NRF1: variants seen among roughly 807,000 people sequenced by gnomAD.
The protein encoded by NRF1 is alpha palindromic-binding protein.
In NRF1, 5 loss-of-function variants were observed where a neutral mutation model predicts 58.5. That is an observed-to-expected ratio of 0.09 (90% CI 0.04 to 0.18). The LOEUF is 0.18. NRF1 is among the 10% of genes least tolerant of loss of function. The pLI is 1.00. For missense variants in NRF1, 288 were observed against 657.7 expected (o/e 0.44, Z 6.15); for synonymous variants, 224 against 246.7 (o/e 0.91, Z 0.86).
intron 1 of NRF1, among the ~76,000 whole-genome samples, chr7:129,655,840 GGAAA>G (rs1801642235): frequency 6.6e-6 from 1 of 152,064 alleles, no homozygotes; most frequent in Non-Finnish European, 1.5e-5. Flanking sequence ...AATCTTAATG[GGAAA>G]GCTTCTAGTT....
intron 10 of NRF1, among the ~76,000 whole-genome samples, chr7:129,743,175 TAA>T (rs5887444): frequency 0.14 from 20,620 of 146,760 alleles, 1,641 homozygotes; most frequent in Admixed American, 0.24. Flanking sequence ...ACCCCTTGTT[TAA>T]AAAAAAAAAA....
chr7:129,686,101 CAAAA>C (rs540355035), intron 4 of NRF1, among the ~76,000 whole-genome samples: 1 of 57,772 alleles, frequency 1.7e-5, no homozygotes, highest in Non-Finnish European at 3.8e-5. Context: ...GACTGTATCT[CAAAA>C]AAAAAAAAAA....
At chr7:129,739,742 C>T (rs748286712) in intron 10 of NRF1, among the ~76,000 whole-genome samples, 1 of 152,100 alleles carries the variant, frequency 6.6e-6, no homozygotes, top group African/African-American at 2.4e-5. Flanking sequence ...TGCATATTTC[C>T]ACTTGGATTC....
At chr7:129,649,503 TA>T (rs1192081314) in intron 1 of NRF1, among the ~76,000 whole-genome samples, 1 of 152,254 alleles carries the variant, frequency 6.6e-6, no homozygotes, top group Non-Finnish European at 1.5e-5. Context: ...ACTCTACACT[TA>T]ATCTCATCCA....
At chr7:129,621,190 G>T (rs1264268295) in intron 1 of NRF1, among the ~76,000 whole-genome samples, 3 of 152,148 alleles carry the variant, frequency 2.0e-5, no homozygotes, top group African/African-American at 4.8e-5. Context: ...AGTTTTGTCA[G>T]CTAGGCCCTA....
chr7:129,739,118 A>T (rs190339779), intron 10 of NRF1, among the ~76,000 whole-genome samples: 1 of 152,328 alleles, frequency 6.6e-6, no homozygotes, highest in Admixed American at 6.5e-5. Context: ...AAAACCTAAC[A>T]TCTAAATCTG....
chr7:129,623,386 T>A (rs200636015), intron 1 of NRF1, among the ~76,000 whole-genome samples: 23,142 of 152,034 alleles, frequency 0.15, 1,907 homozygotes, highest in African/African-American at 0.23. Context: ...ACCTGTTTTT[T>A]TTTTTTTGCA....
chr7:129,692,372 T>A (rs1395855120), intron 5 of NRF1, among the ~76,000 whole-genome samples: 1 of 151,756 alleles, frequency 6.6e-6, no homozygotes, highest in Non-Finnish European at 1.5e-5. Flanking sequence ...CAGGCTGGTA[T>A]TTTTTTTGTC....
rs1255895761 is a variant in NRF1 at position 129,719,543 on chromosome 7, C to CACACACACACACACACAA, written c.1223+2168_1223+2169insCACACACACACACACAAA. Among the ~76,000 whole-genome samples, 239 of 142,152 alleles carry CACACACACACACACACAA rather than the reference C, an allele frequency of 1.7e-3. 3 individuals are homozygous for CACACACACACACACACAA. The highest frequency in any genetic ancestry group is 5.9e-3 in the African/African-American group (224 of 37,740). 93.3% of individuals were successfully genotyped at this position (142,152 alleles called of 152,430 possible). A position where few individuals can be genotyped will look rare whatever the true frequency, so the allele number is the denominator to read the frequency against. On this transcript the variant is annotated intron_variant, in intron 9 of 10. Transcript: ENST00000393232. ...ACACACACACACACACACACACACA[C>CACACACACACACACACAA]AACACATCTTCTCAGAGTTACCTAG...
intron 5 of NRF1, among the ~76,000 whole-genome samples, chr7:129,708,189 GGGAA>G (rs1251316057): frequency 9.2e-5 from 14 of 152,256 alleles, no homozygotes; most frequent in African/African-American, 2.9e-4. Flanking sequence ...CAGTAGGTCT[GGGAA>G]GGAGGAATAG....
At chr7:129,685,464 T>C (rs1350928145) in intron 4 of NRF1, among the ~76,000 whole-genome samples, 2 of 152,138 alleles carry the variant, frequency 1.3e-5, no homozygotes, top group Non-Finnish European at 2.9e-5. Context: ...CTCTGGTAAT[T>C]ATAAAATGTT....
chr7:129,724,250 A>G (rs1198070071), intron 9 of NRF1, among the ~76,000 whole-genome samples: 1 of 152,246 alleles, frequency 6.6e-6, no homozygotes, highest in Non-Finnish European at 1.5e-5. Flanking sequence ...CATTTCTCCA[A>G]ATTTCTCCAG....
At chr7:129,694,906 A>G (rs1584647899) in intron 5 of NRF1, among the ~76,000 whole-genome samples, 1 of 152,206 alleles carries the variant, frequency 6.6e-6, no homozygotes, top group African/African-American at 2.4e-5. Context: ...ATTGTTTATT[A>G]CAGCATGCTT....
intron 1 of NRF1, among the ~76,000 whole-genome samples, chr7:129,612,130 C>T (rs1800545357): frequency 6.6e-6 from 1 of 150,636 alleles, no homozygotes; most frequent in South Asian, 2.1e-4. Context: ...GCTCTCGGGG[C>T]CGCGGCCTTC....
intron 2 of NRF1, among the ~76,000 whole-genome samples, chr7:129,669,760 C>T (rs540670051): frequency 1.4e-4 from 22 of 152,096 alleles, no homozygotes; most frequent in Non-Finnish European, 2.5e-4. Context: ...GTGGTCCAGC[C>T]GCTCTGGAAA....
intron 2 of NRF1, among the ~76,000 whole-genome samples, chr7:129,659,073 CT>C (rs780109640): frequency 7.9e-4 from 70 of 88,150 alleles, no homozygotes; most frequent in East Asian, 1.3e-3. Flanking sequence ...CACCACAGGA[CT>C]TTTTTTTTTT....
chr7:129,667,953 C>T (rs537956580), intron 2 of NRF1, among the ~76,000 whole-genome samples: 1 of 151,848 alleles, frequency 6.6e-6, no homozygotes, highest in African/African-American at 2.4e-5. Flanking sequence ...TTTGTAGATA[C>T]GGAGTCTTGC....
At chr7:129,729,150 C>G (rs1286495556) in intron 10 of NRF1, among the ~76,000 whole-genome samples, 2 of 152,140 alleles carry the variant, frequency 1.3e-5, no homozygotes, top group African/African-American at 4.8e-5. Context: ...CCATTCTAAT[C>G]GACTTGACCT....
chr7:129,637,481 C>G (rs1028215202), intron 1 of NRF1, among the ~76,000 whole-genome samples: 1 of 152,046 alleles, frequency 6.6e-6, no homozygotes, highest in African/African-American at 2.4e-5. Context: ...TAATCACAGT[C>G]TTATTATTTT....
Sources: gnomAD v4.1 joint callset for allele counts (sites outside exome capture counted in the v4.1 genomes callset) on GRCh38, gnomAD v4.1.1 for gene constraint, MANE v1.5 for transcripts, NCBI Gene and HGNC (gene_info 2026-07-23, HGNC 2026-07-21) for gene names.